The following TTC7B variants were observed in gnomAD, a reference collection of about 807,000 sequenced individuals.
TTC7B encodes tetratricopeptide repeat protein 7B.
Under a neutral mutation model 106.8 loss-of-function variants are expected in TTC7B, and 28 were observed. The observed-to-expected ratio is 0.26, with a 90% confidence interval of 0.19 to 0.36. The LOEUF (loss-of-function observed/expected upper bound fraction) is 0.36, where lower values mean the gene tolerates loss of function less well. Ranked by LOEUF, TTC7B falls within the 10% of genes least tolerant of loss-of-function variation. The pLI is 1.00. For missense variants in TTC7B, 862 were observed against 1,076.4 expected, an observed-to-expected ratio of 0.80 and a Z score of 2.79; for synonymous variants, 405 against 430.6, an observed-to-expected ratio of 0.94 and a Z score of 0.74.
At position 90,526,872 on chromosome 14, in the gene TTC7B, C is replaced by T. The variant is rs1170382657; in HGVS notation, c.*14496G>A. On this transcript the variant is annotated 3_prime_UTR_variant, in exon 20 of 20. Transcript: ENST00000328459. ...TTAAACTCGTTTTCTTTATAAATTA[C>T]CTAGTCTCGGGTATGTCTTTATTAG... 6.6e-6 allele frequency: 1 copy of T among 152,166 alleles called. No individual in the cohort carries two copies. Among genetic ancestry groups the T allele is most frequent in the Non-Finnish European group, 1.5e-5 (1 of 68,046 alleles). 9.4% of individuals were successfully genotyped at this position (152,166 alleles called of 1,614,324 possible).
At chr14:90,765,517 C>T (rs1349193091) in intron 3 of TTC7B, among the ~76,000 whole-genome samples, 4 of 152,046 alleles carry the variant, frequency 2.6e-5, no homozygotes, top group South Asian at 2.1e-4. Flanking sequence ...AACAGAATTC[C>T]GGGAAGATGG....
At chr14:90,614,222 T>C (rs1892978172) in intron 16 of TTC7B, among the ~76,000 whole-genome samples, 2 of 152,196 alleles carry the variant, frequency 1.3e-5, no homozygotes, top group South Asian at 4.1e-4. Context: ...GCCTCAGTTG[T>C]CTCATCAGTA....
At chr14:90,781,401 C>T (rs1267738124) in intron 2 of TTC7B, among the ~76,000 whole-genome samples, 4 of 152,138 alleles carry the variant, frequency 2.6e-5, no homozygotes, top group Admixed American at 1.3e-4. Context: ...TACTAAAAAT[C>T]ACTGAAGTGG....
chr14:90,657,688 A>G lies in TTC7B; in HGVS notation c.1237-410T>C, dbSNP rs1886007293. Among the ~76,000 whole-genome samples, 1 of 152,288 alleles carries G rather than the reference A, an allele frequency of 6.6e-6. No homozygotes were observed. The highest frequency in any genetic ancestry group is 1.9e-4 in the East Asian group (1 of 5,206). On this transcript the variant is annotated intron_variant, in intron 10 of 19. Transcript: ENST00000328459. The surrounding 1 kb of genome is among the most constrained non-coding windows in gnomAD (Gnocchi z 4.2). Reference sequence around the variant, plus strand: ...ATTCGCTAAATGGCCCAAATTAGCAAGAAAAACAATAGCTACGACCTCTGT... The same window carrying G: ...ATTCGCTAAATGGCCCAAATTAGCAGGAAAAACAATAGCTACGACCTCTGT...
At chr14:90,800,513 T>A (rs764639305) in intron 1 of TTC7B, among the ~76,000 whole-genome samples, 16 of 151,970 alleles carry the variant, frequency 1.1e-4, no homozygotes, top group Non-Finnish European at 2.4e-4. Flanking sequence ...AAGAGGGAAG[T>A]TAGAAGGTCA....
intron 6 of TTC7B, among the ~76,000 whole-genome samples, chr14:90,694,859 A>ATATGTGT (rs941427944): frequency 5.1e-5 from 7 of 136,140 alleles, no homozygotes; most frequent in Admixed American, 1.5e-4. Context: ...TATGTGACAT[A>ATATGTGT]TATGTACATA....
At chr14:90,582,213 C>G (rs528518965) in intron 18 of TTC7B, among the ~76,000 whole-genome samples, 1 of 152,196 alleles carries the variant, frequency 6.6e-6, no homozygotes, top group Admixed American at 6.5e-5. Context: ...CTCTTGTTTG[C>G]CCCCCTCTCT....
At chr14:90,766,092 T>C (rs540769353) in intron 3 of TTC7B, among the ~76,000 whole-genome samples, 1 of 150,374 alleles carries the variant, frequency 6.7e-6, no homozygotes, top group East Asian at 1.9e-4. Flanking sequence ...AGACCTCAAA[T>C]ATATACCCCA....
intron 19 of TTC7B, among the ~76,000 whole-genome samples, chr14:90,548,550 C>T (rs1889934055): frequency 6.6e-6 from 1 of 152,244 alleles, no homozygotes; most frequent in Admixed American, 6.5e-5. Flanking sequence ...ACAGGTGCCA[C>T]ATTAATTGAG....
At chr14:90,782,196 C>T (rs1432732605) in intron 2 of TTC7B, among the ~76,000 whole-genome samples, 1 of 152,008 alleles carries the variant, frequency 6.6e-6, no homozygotes, top group Non-Finnish European at 1.5e-5. Context: ...AGTGGACAAG[C>T]AGGACTGATG....
chr14:90,559,667 CACA>C (rs144638072), intron 19 of TTC7B, among the ~76,000 whole-genome samples: 47,325 of 152,032 alleles, frequency 0.31, 8,704 homozygotes, highest in Admixed American at 0.42. Flanking sequence ...TCTCACAACA[CACA>C]CGATTCTCAC....
intron 4 of TTC7B, among the ~76,000 whole-genome samples, chr14:90,730,716 G>A (rs1240185606): frequency 1.3e-5 from 2 of 152,242 alleles, no homozygotes; most frequent in Non-Finnish European, 2.9e-5. Context: ...CTCCAGAGCT[G>A]AGGGACATTG....
rs751331017 is a variant in TTC7B at position 90,624,124 on chromosome 14, G to A, written c.1752-6079C>T. On this transcript the variant is annotated intron_variant, in intron 15 of 19. Coordinates refer to ENST00000328459, the MANE Select transcript of TTC7B (RefSeq NM_001010854.2). This position sits in a 1 kb window ranked among gnomAD's most constrained non-coding sequence, Gnocchi z 4.0. ...CATGTGTGTGTGCGCGTGCGCGTGT[G>A]TGTGTTTTGTGACTTGTCTTTCATC... 2.0e-5 allele frequency among the ~76,000 whole-genome samples: 3 copies of A among 152,182 alleles called. No individual in the cohort carries two copies. Among genetic ancestry groups the A allele is most frequent in the South Asian group, 2.1e-4 (1 of 4,790 alleles).
chr14:90,546,872 T>C (rs1169973923), intron 19 of TTC7B, among the ~76,000 whole-genome samples: 2 of 152,204 alleles, frequency 1.3e-5, no homozygotes, highest in African/African-American at 4.8e-5. Context: ...TCTCATTCCA[T>C]CCTCTCTCAC....
At chr14:90,572,915 C>T (rs1407720417) in intron 19 of TTC7B, among the ~76,000 whole-genome samples, 3 of 152,182 alleles carry the variant, frequency 2.0e-5, no homozygotes, top group African/African-American at 4.8e-5. Flanking sequence ...TGGCCCCCAG[C>T]GTACTCTTTG....
intron 7 of TTC7B, among the ~76,000 whole-genome samples, chr14:90,687,176 A>G (rs1887280383): frequency 6.6e-6 from 1 of 152,202 alleles, no homozygotes; most frequent in African/African-American, 2.4e-5. Context: ...GCACACCTTC[A>G]ATGGATGAAT....
At chr14:90,806,094 G>A (rs757714310) in intron 1 of TTC7B, among the ~76,000 whole-genome samples, 1 of 152,262 alleles carries the variant, frequency 6.6e-6, no homozygotes, top group Admixed American at 6.5e-5. Context: ...AGCACCAACT[G>A]TATGCCAGAC....
intron 15 of TTC7B, among the ~76,000 whole-genome samples, chr14:90,628,066 AGCGCATG>A (rs1884528425): frequency 6.6e-6 from 1 of 152,202 alleles, no homozygotes; most frequent in African/African-American, 2.4e-5. Flanking sequence ...AGGCTACCTG[AGCGCATG>A]GTGTTAGGGC....
intron 19 of TTC7B, among the ~76,000 whole-genome samples, chr14:90,555,124 T>C (rs1890247564): frequency 6.6e-6 from 1 of 152,184 alleles, no homozygotes; most frequent in Non-Finnish European, 1.5e-5. Flanking sequence ...CATGGCAGAC[T>C]ACTGAGATCT....
Sources: gnomAD v4.1 joint callset for allele counts (sites outside exome capture counted in the v4.1 genomes callset) on GRCh38, gnomAD v4.1.1 for gene constraint, Gnocchi (gnomAD v3.1) non-coding constraint, MANE v1.5 for transcripts, NCBI Gene and HGNC (gene_info 2026-07-23, HGNC 2026-07-21) for gene names.